PHF3: variants seen among roughly 807,000 people sequenced by gnomAD.
The protein encoded by PHF3 is PHD finger protein 3.
PHF3 carries 41 observed loss-of-function variants against 178.4 expected under a neutral mutation model. That is an observed-to-expected ratio of 0.23 (90% confidence interval 0.18 to 0.30). The LOEUF (loss-of-function observed/expected upper bound fraction) is 0.30, where lower values mean the gene tolerates loss of function less well. Among genes scored for constraint, PHF3 ranks in the 10% least tolerant of loss-of-function variants. The probability of loss-of-function intolerance (pLI) is 1.00; values close to 1 mark genes in which losing one functional copy is unlikely to be tolerated. For missense variants in PHF3, 2,346 were observed against 2,398.1 expected, an observed-to-expected ratio of 0.98 and a Z score of 0.45; for synonymous variants, 842 against 800.5, an observed-to-expected ratio of 1.05 and a Z score of -0.88.
rs1002884221 is a variant in PHF3, at chr6:63,684,739, T to C, written c.1017T>C (p.Ala339=). 6.2e-7 allele frequency: 1 copy of C among 1,613,930 alleles called. No homozygotes were observed. The highest frequency in any genetic ancestry group is 8.5e-7 in the Non-Finnish European group (1 of 1,179,828). The stretch of plus-strand genomic sequence containing the variant: ...AAGATGACCATATTCTTGAGGACGC[T>C]GGATCTTCTGATATTTCTAGTGATG... ...SHEDDHILED[A]GSSDISSDAA... is the part of the protein sequence containing the mutation. The change falls in exon 4 of 16, where the codon GCT becomes GCC. Residue 339 remains alanine (A), a synonymous_variant. Coordinates refer to ENST00000262043, the MANE Select transcript of PHF3 (RefSeq NM_001370348.2).
intron 2 of PHF3, among the ~76,000 whole-genome samples, chr6:63,671,106 C>CTT (rs563692137): frequency 3.6e-4 from 51 of 142,034 alleles, no homozygotes; most frequent in Middle Eastern, 7.2e-3. Context: ...GGTCGAGCTG[C>CTT]TTTTTTTTTT....
intron 4 of PHF3, among the ~76,000 whole-genome samples, chr6:63,690,863 T>G (rs1766967402): frequency 6.6e-6 from 1 of 152,178 alleles, no homozygotes; most frequent in Non-Finnish European, 1.5e-5. Context: ...CCTTTTAAAC[T>G]GGAAAGATAG....
chr6:63,651,479 A>G (rs1353368661), intron 2 of PHF3, among the ~76,000 whole-genome samples: 3 of 152,032 alleles, frequency 2.0e-5, no homozygotes, highest in Non-Finnish European at 4.4e-5. Context: ...CTCTTGCCTC[A>G]GCCTCCTGAG....
chr6:63,711,045 C>G, intron 14 of PHF3, 122 bp from the exon 15 acceptor site: 1 of 625,672 alleles, frequency 1.6e-6, no homozygotes, highest in Non-Finnish European at 2.5e-6. Context: ...GTTGGTAAAC[C>G]ACGTTATTTG....
rs755735034 is a variant in PHF3, at chr6:63,685,153, C to T, written c.1431C>T (p.Ser477=). 17 of 1,613,788 alleles carry T rather than the reference C, an allele frequency of 1.1e-5. No homozygotes were observed. The highest frequency in any genetic ancestry group is 3.3e-5 in the Admixed American group (2 of 59,996). The change falls in exon 4 of 16, where the codon AGC becomes AGT. Residue 477 remains serine (S), a synonymous_variant. Coordinates refer to ENST00000262043, the MANE Select transcript of PHF3 (RefSeq NM_001370348.2). The part of the protein sequence containing the change: ...LQDDRNSQSS[S]VSYLESKSVK... ...ATGACAGAAACAGCCAGTCAAGTAG[C>T]GTTTCTTACTTAGAGTCAAAAAGTG...
intron 1 of PHF3, chr6:63,636,822 C>A (rs1341937762): frequency 6.6e-6 from 1 of 152,012 alleles, no homozygotes; most frequent in Non-Finnish European, 1.5e-5. Flanking sequence ...CTTGTCGATA[C>A]GTACGTGTTA....
chr6:63,651,982 G>A (rs1481493145), intron 2 of PHF3, among the ~76,000 whole-genome samples: 1 of 152,066 alleles, frequency 6.6e-6, no homozygotes, highest in Non-Finnish European at 1.5e-5. Flanking sequence ...TCGTATTATG[G>A]CTATTGTTAA....
chr6:63,635,886 G>C lies in PHF3; in HGVS notation c.-290G>C, dbSNP rs1764306599. On this transcript the variant is annotated 5_prime_UTR_variant, in exon 1 of 16. Transcript: ENST00000262043. ...CTGCGGGGTCTCGCGCCGTCGCACC[G>C]TCCCCACGCGGCAAGCGACCTTCGG... 1 of 397,640 alleles carries C rather than the reference G, an allele frequency of 2.5e-6. No homozygotes were observed. Among genetic ancestry groups the C allele is most frequent in the Admixed American group, 4.4e-5 (1 of 22,686 alleles). The allele number at this position is 397,640 out of a possible 1,614,324, so 24.6% of individuals were successfully genotyped here. A position where few individuals can be genotyped will look rare whatever the true frequency, so the allele number is the denominator to read the frequency against.
chr6:63,681,647 A>T (rs193051159), intron 3 of PHF3, among the ~76,000 whole-genome samples: 1 of 152,146 alleles, frequency 6.6e-6, no homozygotes, highest in East Asian at 1.9e-4. Flanking sequence ...TGTTTCATGG[A>T]TGTAGTATCT....
At chr6:63,674,805 C>T (rs1352990726) in intron 2 of PHF3, among the ~76,000 whole-genome samples, 2 of 152,078 alleles carry the variant, frequency 1.3e-5, no homozygotes, top group African/African-American at 2.4e-5. Context: ...AAATAACCGA[C>T]GTAGAAGTAT....
intron 4 of PHF3, among the ~76,000 whole-genome samples, chr6:63,690,850 A>G (rs1016607351): frequency 6.6e-6 from 1 of 152,064 alleles, no homozygotes; most frequent in Non-Finnish European, 1.5e-5. Context: ...AGTTATAGAT[A>G]CTCCTTTTAA....
chr6:63,694,572 A>C lies in PHF3; in HGVS notation c.2497-9A>C, dbSNP rs145191399. On this transcript the variant is annotated splice_polypyrimidine_tract_variant and intron_variant, in intron 5 of 15. Transcript: ENST00000262043. ...TTTCATTCTAATGAATTAAGTACTC[A>C]TTTTCCAGGAGTCTGGTGAAGGCAG... is the stretch of plus-strand genomic sequence containing the variant. The C allele has an allele frequency of 6.2e-6, 9 of 1,450,152 alleles. No homozygotes were observed. The Admixed American group carries it at 2.3e-4, about 37-fold the overall frequency. 89.8% of individuals were successfully genotyped at this position (1,450,152 alleles called of 1,614,324 possible).
chr6:63,684,731 G>C lies in PHF3; in HGVS notation c.1009G>C (p.Glu337Gln), dbSNP rs970748719. 1.2e-6 allele frequency: 2 copies of C among 1,613,836 alleles called. No individual in the cohort carries two copies. The highest frequency in any genetic ancestry group is 1.7e-6 in the Non-Finnish European group (2 of 1,179,784). ...ATCCCATGAAGATGACCATATTCTT[G>C]AGGACGCTGGATCTTCTGATATTTC... ...KLSHEDDHIL[E>Q]DAGSSDISSD... The change falls in exon 4 of 16, where the codon GAG becomes CAG. Residue 337 changes from glutamate to glutamine, a missense_variant. Transcript: ENST00000262043.
At chr6:63,646,061 A>G (rs1168046975) in intron 1 of PHF3, among the ~76,000 whole-genome samples, 4 of 152,188 alleles carry the variant, frequency 2.6e-5, no homozygotes, top group Middle Eastern at 3.4e-3. Context: ...AAACAAGCCT[A>G]CTTTATGGTT....
chr6:63,687,383 C>T (rs1249151000), intron 4 of PHF3, among the ~76,000 whole-genome samples: 1 of 152,206 alleles, frequency 6.6e-6, no homozygotes, highest in Non-Finnish European at 1.5e-5. Context: ...GACATTGAGC[C>T]ACTGCACTCT....
intron 14 of PHF3, among the ~76,000 whole-genome samples, 182 bp downstream of exon 14, chr6:63,709,422 ATT>A (rs34108196): frequency 2.7e-5 from 4 of 147,284 alleles, no homozygotes; most frequent in East Asian, 2.0e-4. Context: ...ACAGTACAGC[ATT>A]TTTTTTTTTT....
Position 63,685,659 on chromosome 6 carries a change from A to G in PHF3, c.1937A>G (p.Glu646Gly). Residue 646 changes from glutamate (E) to glycine (G), a missense_variant, in exon 4 of 16, where the codon GAG becomes GGG. By Grantham distance (98) the Glu-to-Gly change is moderately conservative. Around this residue, in one of 8 missense-constraint regions of PHF3, gnomAD observed 843 missense variants for 795.2 expected, o/e 1.06. Coordinates refer to ENST00000262043, the MANE Select transcript of PHF3 (RefSeq NM_001370348.2). ...AMKTNSHVKE[E>G]LEHPGVEHFK... ...AAAACCAATAGTCACGTGAAGGAAG[A>G]GCTTGAACACCCAGGCGTTGAGCAT... 1 of 1,614,180 alleles carries G rather than the reference A, an allele frequency of 6.2e-7. No homozygotes were observed. The highest frequency in any genetic ancestry group is 8.5e-7 in the Non-Finnish European group (1 of 1,180,026).
intron 2 of PHF3, among the ~76,000 whole-genome samples, chr6:63,674,841 G>T (rs1205617377): frequency 1.3e-5 from 2 of 152,150 alleles, no homozygotes; most frequent in African/African-American, 4.8e-5. Context: ...TTTGACCTTT[G>T]TGCTGCCTGC....
chr6:63,641,937 ATTTTTTT>A (rs568661688), intron 1 of PHF3, among the ~76,000 whole-genome samples: 1 of 151,058 alleles, frequency 6.6e-6, no homozygotes, highest in Non-Finnish European at 1.5e-5. Context: ...CTAAAGTGAA[ATTTTTTT>A]TTGCTGTTGA....
Sources: gnomAD v4.1 joint callset for allele counts (sites outside exome capture counted in the v4.1 genomes callset) on GRCh38, gnomAD v4.1.1 for gene constraint, gnomAD v4.1.1 regional missense constraint, MANE v1.5 for transcripts, NCBI Gene and HGNC (gene_info 2026-07-23, HGNC 2026-07-21) for gene names.